Variants in TNFSF14 observed in about 807,000 individuals in gnomAD.
TNFSF14 encodes tumor necrosis factor ligand superfamily member 14.
Under a neutral mutation model 22.7 loss-of-function variants are expected in TNFSF14, and 15 were observed. That is an observed-to-expected ratio of 0.66 (90% CI 0.44 to 1.02). The LOEUF is 1.02. TNFSF14 is among the 50% of genes least tolerant of loss of function. TNFSF14 has a pLI of 0.00. For synonymous variants in TNFSF14, 133 were observed against 139.6 expected (o/e 0.95, Z 0.33); for missense variants, 287 against 326.2 (o/e 0.88, Z 0.93).
chr19:6,667,130 G>C lies in TNFSF14; in HGVS notation c.281C>G (p.Pro94Arg). The C allele has an allele frequency of 6.2e-7, 1 of 1,602,778 alleles. No homozygotes were observed. The highest frequency in any genetic ancestry group is 1.1e-5 in the South Asian group (1 of 89,586). The change falls in exon 3 of 4, where the codon CCA (proline) becomes CGA (arginine). Residue 94 changes from proline to arginine, a missense_variant. Transcript: ENST00000675206. Reference sequence around the variant, plus strand: ...CCTCTCACCTGTGAGATGCGCTGCTGGGTTGACCTCGTGAGACCTTCGCTC... The same window carrying C: ...CCTCTCACCTGTGAGATGCGCTGCTCGGTTGACCTCGTGAGACCTTCGCTC... ...IQERRSHEVN[P>R]AAHLTGANSS...
intron 3 of TNFSF14, 98 bp downstream of exon 3, chr19:6,667,015 C>G: frequency 1.5e-6 from 2 of 1,336,380 alleles, no homozygotes; most frequent in Non-Finnish European, 2.1e-6. Flanking sequence ...AGTAAATAAG[C>G]AATGAATGAA....
At position 6,663,862 on chromosome 19, in the gene TNFSF14, A is replaced by G. The variant is rs1917324888; in HGVS notation, c.*1064T>C. 6.6e-6 allele frequency: 1 copy of G among 152,214 alleles called. No individual in the cohort carries two copies. The highest frequency in any genetic ancestry group is 6.5e-5 in the Admixed American group (1 of 15,280). The allele number at this position is 152,214 out of a possible 1,614,324, so 9.4% of individuals were successfully genotyped here. A position where few individuals can be genotyped will look rare whatever the true frequency, so the allele number is the denominator to read the frequency against. On this transcript the variant is annotated 3_prime_UTR_variant, in exon 4 of 4. Transcript: ENST00000675206. ...CAATCAGCAAGCATTTCCCTAGAGC[A>G]TGCTTTGTGCCAGGCCCTGGGCCGG...
chr19:6,667,737 T>C (rs944595370), intron 1 of TNFSF14, among the ~76,000 whole-genome samples: 4 of 152,226 alleles, frequency 2.6e-5, no homozygotes, highest in African/African-American at 9.7e-5. Flanking sequence ...GCACATAGTA[T>C]GCACTAGAGA....
At chr19:6,669,765 C>CACACAG in intron 1 of TNFSF14, 86 bp downstream of exon 1, 1 of 1,551,882 alleles carries the variant, frequency 6.4e-7, no homozygotes, top group South Asian at 1.2e-5. Context: ...CACACACACA[C>CACACAG]ACACACACAG....
chr19:6,669,408 G>A (rs1435295320), intron 1 of TNFSF14, among the ~76,000 whole-genome samples: 2 of 152,128 alleles, frequency 1.3e-5, no homozygotes, highest in Middle Eastern at 3.2e-3. Context: ...ACTTGAACCC[G>A]GGAGGCAGAG....
At chr19:6,665,456 T>C (rs1417469156) in intron 3 of TNFSF14, 106 bp from the exon 4 acceptor site, 4 of 1,245,108 alleles carry the variant, frequency 3.2e-6, no homozygotes, top group East Asian at 5.1e-5. Flanking sequence ...TGGACCAGGC[T>C]GGAGTGTGGT....
chr19:6,670,181 C>T (rs530125340), upstream of TNFSF14: 112 of 1,493,096 alleles, frequency 7.5e-5, no homozygotes, highest in East Asian at 2.2e-3. Flanking sequence ...ACCCGTGGGC[C>T]GCCTTTAGAG....
In TNFSF14 at chr19:6,663,713, C is replaced by A; in HGVS notation, c.*1213G>T. On this transcript the variant is annotated 3_prime_UTR_variant, in exon 4 of 4. Transcript: ENST00000675206. Reference sequence around the variant, plus strand: ...ACTTCCATGTGATTGTGTGGTTGTGCATGAATCTGGCACTTCGCGTGTATG... The same window carrying A: ...ACTTCCATGTGATTGTGTGGTTGTGAATGAATCTGGCACTTCGCGTGTATG... The A allele has an allele frequency of 6.6e-6, 1 of 152,594 alleles. No homozygotes were observed. The allele number at this position is 152,594 out of a possible 1,614,324, so 9.5% of individuals were successfully genotyped here.
At chr19:6,665,683 A>G (rs1209326186) in intron 3 of TNFSF14, among the ~76,000 whole-genome samples, 3 of 151,912 alleles carry the variant, frequency 2.0e-5, no homozygotes, top group Admixed American at 2.0e-4. Context: ...TGCTGGGATT[A>G]CAGGTGTGAG....
chr19:6,667,247 C>T, intron 2 of TNFSF14, 93 bp from the exon 3 acceptor site: 1 of 1,449,588 alleles, frequency 6.9e-7, no homozygotes, highest in East Asian at 2.6e-5. Context: ...CTGGAATCAA[C>T]CCCACCCCTT....
Position 6,664,269 on chromosome 19 carries a change from T to C in TNFSF14, c.*657A>G, listed in dbSNP as rs1007563682. On this transcript the variant is annotated 3_prime_UTR_variant, in exon 4 of 4. Transcript: ENST00000675206. This position sits in a 1 kb window ranked among gnomAD's most constrained non-coding sequence, Gnocchi z 4.7. Reference sequence around the variant, plus strand: ...TGGAATCCCAAGCCCCACTTTCTTCTGAATCAAAAGCATAAATACCCACCC... The same window carrying C: ...TGGAATCCCAAGCCCCACTTTCTTCCGAATCAAAAGCATAAATACCCACCC... 6.6e-6 allele frequency: 1 copy of C among 152,218 alleles called. No individual in the cohort carries two copies. Among genetic ancestry groups the C allele is most frequent in the African/African-American group, 2.4e-5 (1 of 41,426 alleles). The allele number at this position is 152,218 out of a possible 1,614,324, so 9.4% of individuals were successfully genotyped here.
chr19:6,665,155 C>T lies in TNFSF14; in HGVS notation c.494G>A (p.Gly165Asp). The T allele has an allele frequency of 6.2e-7, 1 of 1,614,068 alleles. No individual in the cohort carries two copies. Among genetic ancestry groups the T allele is most frequent in the Non-Finnish European group, 8.5e-7 (1 of 1,179,976 alleles). The change falls in exon 4 of 4, where the codon GGC becomes GAC. Residue 165 changes from glycine (G) to aspartate (D), a missense_variant. Gly to Asp is a moderately conservative substitution (Grantham distance 94, BLOSUM62 -1). Coordinates refer to ENST00000675206, the MANE Select transcript of TNFSF14 (RefSeq NM_001376887.1). The part of the protein sequence containing the change: ...PLGLASTITH[G>D]LYKRTPRYPE... ...GTAGCGGGGTGTGCGCTTGTAGAGGCCGTGGGTGATGGTGCTGGCCAGGCC... is the reference window on the plus strand; with the variant it reads ...GTAGCGGGGTGTGCGCTTGTAGAGGTCGTGGGTGATGGTGCTGGCCAGGCC...
In TNFSF14 at chr19:6,663,525, G is replaced by A. The variant is rs1342795782; in HGVS notation, c.*1401C>T. On this transcript the variant is annotated 3_prime_UTR_variant, in exon 4 of 4. Transcript: ENST00000675206. ...TGTGTGTATGTGTGTAACCAGGTCTGACTATAACTTGGTCTGTCTGTGTCT... is the reference window on the plus strand; with the variant it reads ...TGTGTGTATGTGTGTAACCAGGTCTAACTATAACTTGGTCTGTCTGTGTCT... The A allele has an allele frequency of 6.6e-6, 1 of 152,638 alleles. No homozygotes were observed. Among genetic ancestry groups the A allele is most frequent in the African/African-American group, 2.4e-5 (1 of 41,448 alleles). 9.5% of individuals were successfully genotyped at this position (152,638 alleles called of 1,614,324 possible). A position where few individuals can be genotyped will look rare whatever the true frequency, so the allele number is the denominator to read the frequency against.
At chr19:6,667,210 C>T in intron 2 of TNFSF14, 56 bp from the exon 3 acceptor site, 1 of 1,506,922 alleles carries the variant, frequency 6.6e-7, no homozygotes, top group Non-Finnish European at 8.9e-7. Context: ...AAAAGCCAGC[C>T]TCCTAAAGGG....
At chr19:6,665,483 A>C (rs1272230102) in intron 3 of TNFSF14, 133 bp from the exon 4 acceptor site, 3 of 1,006,744 alleles carry the variant, frequency 3.0e-6, no homozygotes, top group Non-Finnish European at 4.2e-6. Context: ...ATCTCGGCTT[A>C]CTGCACCCTC....
At position 6,664,779 on chromosome 19, in the gene TNFSF14, A is replaced by G; in HGVS notation, c.*147T>C. The G allele has an allele frequency of 1.0e-6, 1 of 984,774 alleles. No homozygotes were observed. The highest frequency in any genetic ancestry group is 1.6e-5 in the African/African-American group (1 of 62,054). 61.0% of individuals were successfully genotyped at this position (984,774 alleles called of 1,614,324 possible). On this transcript the variant is annotated 3_prime_UTR_variant, in exon 4 of 4. Coordinates refer to ENST00000675206, the MANE Select transcript of TNFSF14 (RefSeq NM_001376887.1). This position sits in a 1 kb window ranked among gnomAD's most constrained non-coding sequence, Gnocchi z 4.7. ...GGTCTCGAACTCCTGACCTCAGGTG[A>G]TCCGCCTGCCTTGGCCTCCCAAAGT...
At chr19:6,667,359 G>C in intron 2 of TNFSF14, 54 bp downstream of exon 2, 4 of 1,504,492 alleles carry the variant, frequency 2.7e-6, no homozygotes, top group Non-Finnish European at 3.5e-6. Flanking sequence ...CGAGGGGTGG[G>C]GGTGGCATGG....
At chr19:6,669,039 C>G (rs1917513304) in intron 1 of TNFSF14, among the ~76,000 whole-genome samples, 1 of 152,228 alleles carries the variant, frequency 6.6e-6, no homozygotes, top group Non-Finnish European at 1.5e-5. Flanking sequence ...AGGGGCCAAG[C>G]CCACAGGGGT....
At chr19:6,665,390 A>G in intron 3 of TNFSF14, 40 bp from the exon 4 acceptor site, 2 of 1,485,212 alleles carry the variant, frequency 1.3e-6, no homozygotes, top group South Asian at 1.3e-5. Context: ...GCCGGTCAGC[A>G]CATGTCTTCC....
Sources: allele counts gnomAD v4.1 joint callset (sites outside exome capture counted in the v4.1 genomes callset), GRCh38; gene constraint gnomAD v4.1.1; non-coding constraint Gnocchi (gnomAD v3.1); transcripts MANE v1.5; gene names NCBI Gene and HGNC (gene_info 2026-07-23, HGNC 2026-07-21).